Variants in OOEP observed in about 807,000 individuals in gnomAD.
OOEP encodes oocyte-expressed protein homolog.
In OOEP, 16 loss-of-function variants were observed where a neutral mutation model predicts 13.7. That is an observed-to-expected ratio of 1.16 (90% CI 0.79 to 1.77). OOEP has a LOEUF of 1.77. Ranked by LOEUF, OOEP falls within the 40% of genes most tolerant of loss-of-function variation. The pLI, the probability that OOEP is intolerant of heterozygous loss-of-function variation, is 0.00. For synonymous variants in OOEP, 89 were observed against 77.1 expected (o/e 1.15, Z -0.81); for missense variants, 195 against 193.1 (o/e 1.01, Z -0.06).
rs576534662 is a variant in OOEP at position 73,378,742 on chromosome 6, T to TG, written c.26-9358dup. ...AGCCGAGCGTGGTGACATATGCCTG[T>TG]GGTCCCAGCTACTTGGGAGGCTGAG... On this transcript the variant is annotated intron_variant, in intron 2 of 3. Transcript: ENST00000370363. Among the ~76,000 whole-genome samples the TG allele has an allele frequency of 6.6e-5, 10 of 151,858 alleles. No individual in the cohort carries two copies. The South Asian group carries it at 1.9e-3, about 28-fold the overall frequency.
chr6:73,392,265 T>TA (rs1769356891), intron 2 of OOEP, among the ~76,000 whole-genome samples: 1 of 152,186 alleles, frequency 6.6e-6, no homozygotes, highest in African/African-American at 2.4e-5. Flanking sequence ...GATTAAAGAT[T>TA]AGAGAATGGA....
chr6:73,371,893 ACTCCAGCCTGGG>A (rs1340698909), upstream of OOEP, among the ~76,000 whole-genome samples: 1 of 152,138 alleles, frequency 6.6e-6, no homozygotes, highest in Non-Finnish European at 1.5e-5. Context: ...GCACCACTAC[ACTCCAGCCTGGG>A]CTACAGAGTG....
At chr6:73,374,762 C>T (rs992862956), upstream of OOEP, among the ~76,000 whole-genome samples, 4 of 151,902 alleles carry the variant, frequency 2.6e-5, no homozygotes, top group Non-Finnish European at 5.9e-5. Flanking sequence ...GTCTCCTAAT[C>T]GTTGTTTTGA....
chr6:73,369,734 G>C lies in OOEP; in HGVS notation c.59C>G (p.Ser20Cys), dbSNP rs776273906. 6.2e-7 allele frequency: 1 copy of C among 1,614,034 alleles called. No individual in the cohort carries two copies. Among genetic ancestry groups the C allele is most frequent in the Admixed American group, 1.7e-5 (1 of 60,030 alleles). ...TGGTAACCTACGCAGCTGCTCCAGG[G>C]AGTGGGCCGGAGTCTGTTTGCCCCG... ...SQRGKQTPAH[S>C]LEQLRRLPLP... The change falls in exon 1 of 3, where the codon TCC becomes TGC. Residue 20 changes from serine to cysteine, a missense_variant. Physicochemically the swap from Ser to Cys is moderately radical, Grantham distance 112. Coordinates refer to ENST00000370359, the MANE Select transcript of OOEP (RefSeq NM_001080507.3).
chr6:73,371,472 G>C (rs1006089036), upstream of OOEP, among the ~76,000 whole-genome samples: 10 of 151,994 alleles, frequency 6.6e-5, no homozygotes, highest in African/African-American at 2.4e-4. Context: ...GTGTGGGCCA[G>C]ACACGGTCAC....
chr6:73,392,187 T>C (rs1769356083), intron 2 of OOEP, among the ~76,000 whole-genome samples: 1 of 152,244 alleles, frequency 6.6e-6, no homozygotes, highest in Admixed American at 6.5e-5. Flanking sequence ...CAAAAATCCT[T>C]AATAAAATCT....
exon 1 of OOEP, chr6:73,394,982 C>T (rs1769433690): frequency 6.2e-7 from 1 of 1,614,226 alleles, no homozygotes; most frequent in Non-Finnish European, 8.5e-7. Context: ...GTGTCCCGAG[C>T]GCCAGAGAGG....
chr6:73,369,901 C>T, upstream of OOEP: 1 of 1,045,100 alleles, frequency 9.6e-7, no homozygotes, highest in Non-Finnish European at 1.4e-6. Flanking sequence ...CCGCTCCGCC[C>T]CTTCCGGCGG....
chr6:73,381,941 AC>A (rs1393734857), intron 2 of OOEP, among the ~76,000 whole-genome samples: 1 of 152,176 alleles, frequency 6.6e-6, no homozygotes, highest in Non-Finnish European at 1.5e-5. Flanking sequence ...AGACTGTGCC[AC>A]TGTATTCCAG....
upstream of OOEP, chr6:73,395,148 G>A (rs767975138): frequency 5.6e-6 from 9 of 1,610,736 alleles, no homozygotes; most frequent in South Asian, 8.8e-5. Context: ...TTGTTGGCGC[G>A]GTAATCGGTG....
chr6:73,392,053 G>C (rs753331699), intron 2 of OOEP, among the ~76,000 whole-genome samples: 3 of 152,166 alleles, frequency 2.0e-5, no homozygotes, highest in Non-Finnish European at 2.9e-5. Flanking sequence ...GAATGAGTTA[G>C]GAAGTATCCC....
intron 2 of OOEP, among the ~76,000 whole-genome samples, chr6:73,388,372 A>G (rs1769303060): frequency 6.6e-6 from 1 of 152,248 alleles, no homozygotes; most frequent in Non-Finnish European, 1.5e-5. Context: ...GTAAAATCTC[A>G]AAAGTTTGCC....
chr6:73,380,805 T>C (rs1176481917), intron 2 of OOEP, among the ~76,000 whole-genome samples: 1 of 152,116 alleles, frequency 6.6e-6, no homozygotes, highest in African/African-American at 2.4e-5. Flanking sequence ...AACTATATGG[T>C]AGAGAGGCTA....
intron 2 of OOEP, among the ~76,000 whole-genome samples, chr6:73,393,103 GA>G (rs55888271): frequency 0.039 from 5,635 of 146,016 alleles, 125 homozygotes; most frequent in East Asian, 0.076. Flanking sequence ...TGATTGAACT[GA>G]AAAAAAAAAA....
upstream of OOEP, among the ~76,000 whole-genome samples, chr6:73,372,911 T>TC (rs1769081723): frequency 6.7e-6 from 1 of 149,648 alleles, no homozygotes; most frequent in Non-Finnish European, 1.5e-5. Flanking sequence ...TTCTTTCCTT[T>TC]TTTTTTTTTT....
intron 2 of OOEP, among the ~76,000 whole-genome samples, chr6:73,376,607 G>A (rs2085117): frequency 0.019 from 2,954 of 151,866 alleles, 65 homozygotes; most frequent in African/African-American, 0.057. Context: ...AGAGTAGCTG[G>A]GATTACAGGC....
upstream of OOEP, chr6:73,395,159 A>G: frequency 6.2e-7 from 1 of 1,607,056 alleles, no homozygotes; most frequent in South Asian, 1.1e-5. Context: ...GTAATCGGTG[A>G]GAATGGGAGT....
intron 2 of OOEP, among the ~76,000 whole-genome samples, chr6:73,387,882 A>G (rs1769296052): frequency 6.6e-6 from 1 of 152,112 alleles, no homozygotes; most frequent in African/African-American, 2.4e-5. Flanking sequence ...TATTTTACTT[A>G]TTCTGAGACA....
At chr6:73,395,133 C>A (rs772890021), upstream of OOEP, 16 of 1,613,674 alleles carry the variant, frequency 9.9e-6, no homozygotes, top group Admixed American at 6.7e-5. Context: ...CTTTGAAGAG[C>A]CACTTTGTTG....
Sources: allele counts gnomAD v4.1 joint callset (sites outside exome capture counted in the v4.1 genomes callset), GRCh38; gene constraint gnomAD v4.1.1; transcripts MANE v1.5; gene names NCBI Gene and HGNC (gene_info 2026-07-23, HGNC 2026-07-21).